The following CFAP47 variants were observed in gnomAD, a reference collection of about 807,000 sequenced individuals.
CFAP47 encodes cilia and flagella associated protein 47, also known as cilia- and flagella-associated protein 47.
In CFAP47, 29 loss-of-function variants were observed where a neutral mutation model predicts 148.1. The ratio of observed to expected loss-of-function variants is 0.20; its 90% CI spans 0.15 to 0.27. The LOEUF is 0.27. Among genes scored for constraint, CFAP47 ranks in the 10% least tolerant of loss-of-function variants. The pLI is 1.00. For synonymous variants in CFAP47, 664 were observed against 577.3 expected (o/e 1.15, Z -2.15); for missense variants, 1,872 against 1,697.5 (o/e 1.10, Z -1.81).
At chrX:36,379,236 TTAA>T (rs1942054332) in intron 62 of CFAP47, 111 bp from the exon 63 acceptor site, 3 of 643,781 alleles carry the variant, frequency 4.7e-6, no homozygotes, top group Non-Finnish European at 7.3e-6. Flanking sequence ...GCATTCAGCA[TTAA>T]TGTTAACCAG....
intron 32 of CFAP47, among the ~76,000 whole-genome samples, chrX:36,101,999 GT>G (rs963923410): frequency 2.7e-5 from 3 of 111,657 alleles, no homozygotes; most frequent in Non-Finnish European, 5.6e-5. Context: ...ATTAGTAGTA[GT>G]TTTGTCATTG....
At chrX:35,930,609 A>G (rs1480369055) in intron 2 of CFAP47, among the ~76,000 whole-genome samples, 2 of 111,351 alleles carry the variant, frequency 1.8e-5, no homozygotes, top group African/African-American at 6.5e-5. Flanking sequence ...TAAATTATGA[A>G]TTTAGTTTTT....
At chrX:35,980,602 AT>A (rs1160241587) in intron 15 of CFAP47, among the ~76,000 whole-genome samples, 4 of 109,538 alleles carry the variant, frequency 3.7e-5, no homozygotes, top group South Asian at 3.8e-4. Context: ...TGGCTAATTT[AT>A]TTTTTTTTAC....
chrX:35,931,623 G>A (rs1265018754), intron 2 of CFAP47, among the ~76,000 whole-genome samples: 5 of 111,186 alleles, frequency 4.5e-5, no homozygotes, highest in Non-Finnish European at 9.4e-5. Flanking sequence ...TTGCATTCCT[G>A]TAGGTTAATT....
At chrX:36,219,010 G>A (rs782493768) in intron 45 of CFAP47, among the ~76,000 whole-genome samples, 27 of 111,316 alleles carry the variant, frequency 2.4e-4, no homozygotes, top group Middle Eastern at 4.6e-3. Flanking sequence ...TGAAGCCTCC[G>A]GATAGCAAGC....
At chrX:36,259,402 A>G (rs781805134) in intron 49 of CFAP47, among the ~76,000 whole-genome samples, 1 of 111,206 alleles carries the variant, frequency 9.0e-6, no homozygotes, top group Non-Finnish European at 1.9e-5. Flanking sequence ...GCTTATTAGA[A>G]TTTTGCTTAT....
chrX:35,925,830 G>A (rs1247588259), intron 1 of CFAP47, among the ~76,000 whole-genome samples, 187 bp from the exon 2 acceptor site: 3 of 111,713 alleles, frequency 2.7e-5, no homozygotes, highest in Non-Finnish European at 5.6e-5. Flanking sequence ...CTAGTTTTTT[G>A]TATTTTAGTA....
intron 38 of CFAP47, among the ~76,000 whole-genome samples, 160 bp from the exon 39 acceptor site, chrX:36,160,521 C>A (rs990389090): frequency 9.0e-6 from 1 of 111,213 alleles, no homozygotes; most frequent in African/African-American, 3.3e-5. Flanking sequence ...TTATAGAATA[C>A]CTAGAAAGTT....
intron 33 of CFAP47, among the ~76,000 whole-genome samples, chrX:36,114,730 G>A (rs1408345464): frequency 9.0e-6 from 1 of 111,444 alleles, no homozygotes; most frequent in Non-Finnish European, 1.9e-5. Context: ...CACTGGGTGG[G>A]GGTGGAGGAT....
At chrX:36,049,900 T>C (rs1023915554) in intron 26 of CFAP47, among the ~76,000 whole-genome samples, 1 of 110,678 alleles carries the variant, frequency 9.0e-6, no homozygotes. Context: ...ATAATGGGGG[T>C]GAGTTATCCT....
intron 33 of CFAP47, among the ~76,000 whole-genome samples, chrX:36,115,357 T>C (rs186899196): frequency 9.8e-5 from 11 of 112,211 alleles, no homozygotes; most frequent in Admixed American, 2.8e-4. Context: ...ACTCATATTA[T>C]TTATCACAAC....
intron 51 of CFAP47, among the ~76,000 whole-genome samples, chrX:36,287,752 C>T (rs1556004873): frequency 9.0e-6 from 1 of 111,626 alleles, no homozygotes. Context: ...AGTTTTCTCA[C>T]GTTTCTAGTC....
At chrX:36,328,520 GC>G (rs1220440591) in intron 57 of CFAP47, among the ~76,000 whole-genome samples, 6 of 111,969 alleles carry the variant, frequency 5.4e-5, no homozygotes, top group Admixed American at 2.8e-4. Context: ...TAAAAGAAAA[GC>G]AAATTGGGGC....
At chrX:36,363,970 A>G (rs1424407227) in intron 61 of CFAP47, among the ~76,000 whole-genome samples, 1 of 111,778 alleles carries the variant, frequency 8.9e-6, no homozygotes, top group Non-Finnish European at 1.9e-5. Flanking sequence ...TAAAATAATG[A>G]AATAACAGAT....
At chrX:35,978,062 A>C (rs999778739) in intron 15 of CFAP47, among the ~76,000 whole-genome samples, 1 of 112,396 alleles carries the variant, frequency 8.9e-6, no homozygotes, top group Non-Finnish European at 1.9e-5. Flanking sequence ...ATCCTGCCTC[A>C]ATCTATTGAA....
At chrX:35,974,558 A>G (rs912622844) in intron 13 of CFAP47, among the ~76,000 whole-genome samples, 2 of 111,425 alleles carry the variant, frequency 1.8e-5, no homozygotes, top group Non-Finnish European at 3.8e-5. Flanking sequence ...TTGGAGTGAT[A>G]AATGTTCAGT....
intron 57 of CFAP47, among the ~76,000 whole-genome samples, chrX:36,345,969 T>C (rs1556016485): frequency 1.8e-5 from 2 of 111,828 alleles, no homozygotes; most frequent in Admixed American, 9.5e-5. Flanking sequence ...TTTTAAATAG[T>C]TTAATAAAAT....
At chrX:36,303,195 C>T (rs1180195030) in intron 53 of CFAP47, among the ~76,000 whole-genome samples, 1 of 110,933 alleles carries the variant, frequency 9.0e-6, no homozygotes, top group Admixed American at 9.6e-5. Flanking sequence ...TTCTTTTTTT[C>T]TATGTTTTAG....
intron 22 of CFAP47, among the ~76,000 whole-genome samples, chrX:36,024,864 C>G (rs1450189685): frequency 9.0e-6 from 1 of 111,474 alleles, no homozygotes; most frequent in Non-Finnish European, 1.9e-5. Context: ...ATTTTTGGTT[C>G]TTATGAAGTT....
Sources: gnomAD v4.1 joint callset for allele counts (sites outside exome capture counted in the v4.1 genomes callset) on GRCh38, gnomAD v4.1.1 for gene constraint, MANE v1.5 for transcripts, NCBI Gene and HGNC (gene_info 2026-07-23, HGNC 2026-07-21) for gene names.